The following SHISAL1 variants were observed in gnomAD, a reference collection of about 807,000 sequenced individuals.
SHISAL1 encodes the protein shisa like 1, also known as protein shisa-like-1.
SHISAL1 carries 9 observed loss-of-function variants against 22.6 expected under a neutral mutation model. The observed-to-expected ratio is 0.40, with a 90% CI of 0.24 to 0.70. SHISAL1 has a LOEUF of 0.70. Ranked by LOEUF, SHISAL1 falls within the 30% of genes least tolerant of loss-of-function variation. The pLI, the probability that SHISAL1 is intolerant of heterozygous loss-of-function variation, is 0.39. For missense variants in SHISAL1, 246 were observed against 270.6 expected, an observed-to-expected ratio of 0.91 and a Z score of 0.64; for synonymous variants, 119 against 115.4, an observed-to-expected ratio of 1.03 and a Z score of -0.20.
intron 1 of SHISAL1, among the ~76,000 whole-genome samples, chr22:44,309,882 C>A (rs73888991): frequency 6.6e-6 from 1 of 152,242 alleles, no homozygotes; most frequent in African/African-American, 2.4e-5. Flanking sequence ...CTTCTCGAGG[C>A]TCCACGCCTG....
At chr22:44,258,768 T>C (rs1048233908) in intron 4 of SHISAL1, among the ~76,000 whole-genome samples, 10 of 152,176 alleles carry the variant, frequency 6.6e-5, no homozygotes, top group African/African-American at 2.2e-4. Flanking sequence ...CATATAATGT[T>C]GGGTCAAAGG....
chr22:44,315,545 A>G (rs2055552588), upstream of SHISAL1, among the ~76,000 whole-genome samples: 1 of 152,120 alleles, frequency 6.6e-6, no homozygotes, highest in South Asian at 2.1e-4. Flanking sequence ...TCCCAGTTAT[A>G]AACTCTCTGT....
chr22:44,245,603 C>T lies in SHISAL1; in HGVS notation c.*4082G>A. ...CATGGTGATTGTGAAAGCAGCCGAG[C>T]CAGCGGAGGGGCCTGCCTGGGGATG... On this transcript the variant is annotated 3_prime_UTR_variant, in exon 5 of 5. Transcript: ENST00000381176. The T allele has an allele frequency of 6.6e-6, 1 of 152,534 alleles. No homozygotes were observed. The allele number at this position is 152,534 out of a possible 1,614,324, so 9.4% of individuals were successfully genotyped here.
chr22:44,259,161 G>A (rs532067305), intron 4 of SHISAL1, among the ~76,000 whole-genome samples: 14 of 152,312 alleles, frequency 9.2e-5, no homozygotes, highest in African/African-American at 2.6e-4. Flanking sequence ...GGCCAGAAGC[G>A]GGCCAGGTGC....
chr22:44,323,752 C>T, the SHISAL1 span, among the ~76,000 whole-genome samples: 1 of 152,248 alleles, frequency 6.6e-6, no homozygotes, highest in African/African-American at 2.4e-5. Flanking sequence ...TTGATACTAT[C>T]AAGCTAAACT....
chr22:44,323,661 A>C, the SHISAL1 span, among the ~76,000 whole-genome samples: 1 of 147,296 alleles, frequency 6.8e-6, no homozygotes, highest in African/African-American at 2.5e-5. Flanking sequence ...CCATCCATCC[A>C]TCCATCCATC....
intron 4 of SHISAL1, among the ~76,000 whole-genome samples, chr22:44,263,025 G>C (rs1002609130): frequency 1.3e-5 from 2 of 151,272 alleles, no homozygotes; most frequent in Non-Finnish European, 2.9e-5. Flanking sequence ...TGGTGCTGAC[G>C]GTATGCATGT....
chr22:44,287,216 C>T (rs1056983069), intron 3 of SHISAL1, among the ~76,000 whole-genome samples: 1 of 152,248 alleles, frequency 6.6e-6, no homozygotes, highest in African/African-American at 2.4e-5. Flanking sequence ...GACTTCCAGG[C>T]TCCAGATCTT....
the SHISAL1 span, among the ~76,000 whole-genome samples, chr22:44,319,209 A>C: frequency 6.6e-6 from 1 of 152,248 alleles, no homozygotes; most frequent in Non-Finnish European, 1.5e-5. Context: ...GTTCAGCACT[A>C]TCCTGGGTGT....
At chr22:44,255,828 C>G (rs2055080599) in intron 4 of SHISAL1, among the ~76,000 whole-genome samples, 1 of 152,214 alleles carries the variant, frequency 6.6e-6, no homozygotes. Context: ...CTCTCCACTC[C>G]AATGGTAATG....
At chr22:44,308,142 G>A (rs570235931) in intron 1 of SHISAL1, among the ~76,000 whole-genome samples, 2 of 152,302 alleles carry the variant, frequency 1.3e-5, no homozygotes, top group East Asian at 3.9e-4. Context: ...GGTGACACCT[G>A]AGCCTCAGTG....
At chr22:44,285,130 G>A in intron 4 of SHISAL1, among the ~76,000 whole-genome samples, 1 of 152,130 alleles carries the variant, frequency 6.6e-6, no homozygotes, top group East Asian at 1.9e-4. Flanking sequence ...TGGCAGCTAG[G>A]TAACCCAAAA....
chr22:44,319,890 G>A, the SHISAL1 span, among the ~76,000 whole-genome samples: 4 of 152,058 alleles, frequency 2.6e-5, no homozygotes, highest in Non-Finnish European at 5.9e-5. Context: ...AAATGTCTCA[G>A]ACCTAGCTCC....
At chr22:44,320,087 T>C in the SHISAL1 span, among the ~76,000 whole-genome samples, 1 of 152,320 alleles carries the variant, frequency 6.6e-6, no homozygotes, top group East Asian at 1.9e-4. Flanking sequence ...AAGAAACTTT[T>C]ACTGAGCACC....
intron 1 of SHISAL1, among the ~76,000 whole-genome samples, chr22:44,308,417 C>T (rs1180779902): frequency 3.9e-5 from 6 of 152,228 alleles, no homozygotes; most frequent in Non-Finnish European, 4.4e-5. Flanking sequence ...ATCTTGCCCT[C>T]CCTGTTCCTG....
At position 44,248,813 on chromosome 22, in the gene SHISAL1, A is replaced by C. The variant is rs2055025035; in HGVS notation, c.*872T>G. 1 of 152,156 alleles carries C rather than the reference A, an allele frequency of 6.6e-6. No individual in the cohort carries two copies. The highest frequency in any genetic ancestry group is 6.5e-5 in the Admixed American group (1 of 15,270). The allele number at this position is 152,156 out of a possible 1,614,324, so 9.4% of individuals were successfully genotyped here. A position where few individuals can be genotyped will look rare whatever the true frequency, so the allele number is the denominator to read the frequency against. On this transcript the variant is annotated 3_prime_UTR_variant, in exon 5 of 5. Coordinates refer to ENST00000381176, the MANE Select transcript of SHISAL1 (RefSeq NM_001099294.2). ...GTGTACCCCGGCTGGCGAGCATGTC[A>C]CGTCCAGGGAGTTGGAGCCTGGACT... is the stretch of plus-strand genomic sequence containing the variant.
At chr22:44,265,012 AAC>A (rs1242610411) in intron 4 of SHISAL1, among the ~76,000 whole-genome samples, 2 of 143,888 alleles carry the variant, frequency 1.4e-5, no homozygotes, top group African/African-American at 5.9e-5. Flanking sequence ...CAGAGACCCC[AAC>A]ACACACACAC....
intron 1 of SHISAL1, among the ~76,000 whole-genome samples, chr22:44,308,180 T>C (rs535723937): frequency 1.3e-5 from 2 of 152,250 alleles, no homozygotes; most frequent in African/African-American, 4.8e-5. Context: ...GGGACCAACA[T>C]CGGCATCTAA....
In SHISAL1 at chr22:44,249,427, C is replaced by T. The variant is rs1033892081; in HGVS notation, c.*258G>A. The T allele has an allele frequency of 2.3e-6, 1 of 435,062 alleles. No individual in the cohort carries two copies. Among genetic ancestry groups the T allele is most frequent in the East Asian group, 3.9e-5 (1 of 25,514 alleles). The allele number at this position is 435,062 out of a possible 1,614,324, so 27.0% of individuals were successfully genotyped here. ...ACAATGAGTCACCTCTCAGAAGCCA[C>T]CAGCCCAAAATAGGACTATTGCTTG... On this transcript the variant is annotated 3_prime_UTR_variant, in exon 5 of 5. Coordinates refer to ENST00000381176, the MANE Select transcript of SHISAL1 (RefSeq NM_001099294.2).
Sources: allele counts gnomAD v4.1 joint callset (sites outside exome capture counted in the v4.1 genomes callset), GRCh38; gene constraint gnomAD v4.1.1; transcripts MANE v1.5; gene names NCBI Gene and HGNC (gene_info 2026-07-23, HGNC 2026-07-21).